Variants in CFAP20DC observed in about 807,000 individuals in gnomAD.
CFAP20DC encodes the protein CFAP20 domain containing.
A neutral mutation model predicts 101.7 loss-of-function variants in CFAP20DC; 84 were observed. That is an observed-to-expected ratio of 0.83 (90% confidence interval 0.69 to 0.99). CFAP20DC has a LOEUF of 0.99. Among genes scored for constraint, CFAP20DC ranks in the 50% least tolerant of loss-of-function variants. The pLI is 0.00. For synonymous variants in CFAP20DC, 359 were observed against 351.2 expected (o/e 1.02, Z -0.25); for missense variants, 1,007 against 970.3 (o/e 1.04, Z -0.50).
chr3:58,723,551 C>G (rs555509341), intron 3 of CFAP20DC, among the ~76,000 whole-genome samples: 2 of 152,202 alleles, frequency 1.3e-5, no homozygotes, highest in African/African-American at 4.8e-5. Flanking sequence ...TCATTGGAAA[C>G]GAAGGTGGGG....
chr3:58,806,145 C>T (rs567637819), intron 15 of CFAP20DC, among the ~76,000 whole-genome samples: 1 of 152,164 alleles, frequency 6.6e-6, no homozygotes, highest in Admixed American at 6.5e-5. Flanking sequence ...AATTCTTATG[C>T]CTGAATTACA....
chr3:58,749,427 G>A (rs1456838728), intron 16 of CFAP20DC, among the ~76,000 whole-genome samples: 1 of 152,130 alleles, frequency 6.6e-6, no homozygotes, highest in Non-Finnish European at 1.5e-5. Context: ...AATACAGGAG[G>A]ATTCCTTCTT....
At chr3:58,909,780 A>C (rs1297579648) in intron 6 of CFAP20DC, among the ~76,000 whole-genome samples, 6 of 152,168 alleles carry the variant, frequency 3.9e-5, no homozygotes, top group Non-Finnish European at 8.8e-5. Context: ...GGTTTGTTAC[A>C]TAGGTAAACA....
intron 6 of CFAP20DC, among the ~76,000 whole-genome samples, chr3:58,888,569 C>T (rs1235511550): frequency 6.6e-6 from 1 of 152,158 alleles, no homozygotes; most frequent in Non-Finnish European, 1.5e-5. Flanking sequence ...CTTTCCCCAA[C>T]CCCTGACAAG....
intron 4 of CFAP20DC, among the ~76,000 whole-genome samples, chr3:58,940,106 TC>T (rs1173694180): frequency 6.6e-6 from 1 of 152,106 alleles, no homozygotes; most frequent in Non-Finnish European, 1.5e-5. Flanking sequence ...AGAGTCAAAC[TC>T]CAAATGGAGG....
intron 15 of CFAP20DC, among the ~76,000 whole-genome samples, chr3:58,768,745 C>T (rs1053238316): frequency 6.6e-6 from 1 of 152,198 alleles, no homozygotes; most frequent in African/African-American, 2.4e-5. Flanking sequence ...CTTACAGTCA[C>T]CACCACACTC....
chr3:58,966,675 C>T (rs2091565775), intron 4 of CFAP20DC, among the ~76,000 whole-genome samples: 1 of 151,642 alleles, frequency 6.6e-6, no homozygotes, highest in South Asian at 2.1e-4. Flanking sequence ...AGGTGCCCAC[C>T]ACCATGCCTG....
chr3:59,021,111 T>A (rs1469991485), intron 4 of CFAP20DC, among the ~76,000 whole-genome samples: 1 of 152,074 alleles, frequency 6.6e-6, no homozygotes, highest in Non-Finnish European at 1.5e-5. Context: ...CTTGGCCTAA[T>A]GTATTATAGA....
chr3:58,868,413 G>A lies in CFAP20DC; in HGVS notation c.1016-477C>T, dbSNP rs1234391422. Reference sequence around the variant, plus strand: ...TAATTTAGCAATAATAATAATCATAGCAGCATTTAACATTTCCTGAATGCT... The same window carrying A: ...TAATTTAGCAATAATAATAATCATAACAGCATTTAACATTTCCTGAATGCT... On this transcript the variant is annotated intron_variant, in intron 9 of 16. Transcript: ENST00000482387. This position sits in a 1 kb window ranked among gnomAD's most constrained non-coding sequence, Gnocchi z 4.6. Among the ~76,000 whole-genome samples the A allele has an allele frequency of 6.6e-6, 1 of 152,132 alleles. No homozygotes were observed. Among genetic ancestry groups the A allele is most frequent in the Non-Finnish European group, 1.5e-5 (1 of 68,000 alleles).
chr3:58,957,389 G>A (rs747900462), intron 4 of CFAP20DC, among the ~76,000 whole-genome samples: 8 of 152,132 alleles, frequency 5.3e-5, no homozygotes, highest in Non-Finnish European at 1.2e-4. Context: ...GGTAACCCTT[G>A]TACACTGTTG....
rs569622613 is a variant in CFAP20DC, at chr3:58,979,197, C to T, written c.279-41435G>A. Among the ~76,000 whole-genome samples the T allele has an allele frequency of 2.6e-5, 4 of 152,304 alleles. No homozygotes were observed. The East Asian group carries it at 5.8e-4, about 22-fold the overall frequency. On this transcript the variant is annotated intron_variant, in intron 4 of 16. Transcript: ENST00000482387. ...GACAGAGTGGAAGCTAAGCTAACAA[C>T]AGGCTTTGCAGTCAGACTGCATAGG...
intron 14 of CFAP20DC, among the ~76,000 whole-genome samples, chr3:58,823,690 T>G (rs1332559505): frequency 6.6e-6 from 1 of 152,130 alleles, no homozygotes; most frequent in African/African-American, 2.4e-5. Context: ...TAGTGTTTAT[T>G]CCAGCTCGAG....
At chr3:58,980,165 C>T (rs57552375) in intron 4 of CFAP20DC, among the ~76,000 whole-genome samples, 2,989 of 152,228 alleles carry the variant, frequency 0.02, 79 homozygotes, top group African/African-American at 0.067. Context: ...TTCCCACTAC[C>T]GAGCTTGATA....
rs1465863842 is a variant in CFAP20DC at position 58,912,774 on chromosome 3, A to G, written c.550+934T>C. 4 of 454,114 alleles carry G rather than the reference A, an allele frequency of 8.8e-6. No homozygotes were observed. Among genetic ancestry groups the G allele is most frequent in the African/African-American group, 2.0e-5 (1 of 50,024 alleles). 28.1% of individuals were successfully genotyped at this position (454,114 alleles called of 1,614,324 possible). A position where few individuals can be genotyped will look rare whatever the true frequency, so the allele number is the denominator to read the frequency against. On this transcript the variant is annotated intron_variant, in intron 6 of 16. Transcript: ENST00000482387. The surrounding 1 kb of genome is among the most constrained non-coding windows in gnomAD (Gnocchi z 4.4). ...AGTATATTTATAAATCAAATTATGA[A>G]CAATTAATGTAAATATTTCTAGTCT...
intron 5 of CFAP20DC, among the ~76,000 whole-genome samples, chr3:58,934,591 T>C (rs529802734): frequency 1.3e-5 from 2 of 152,180 alleles, no homozygotes; most frequent in Non-Finnish European, 2.9e-5. Context: ...AGTGGGCTTC[T>C]TCCCTGGGAT....
At chr3:58,997,265 A>G (rs2093165417) in intron 4 of CFAP20DC, among the ~76,000 whole-genome samples, 1 of 152,228 alleles carries the variant, frequency 6.6e-6, no homozygotes, top group Admixed American at 6.5e-5. Flanking sequence ...AACTTGTGAA[A>G]TAAGTACTAT....
At chr3:58,946,846 A>T (rs898265837) in intron 4 of CFAP20DC, among the ~76,000 whole-genome samples, 4 of 152,252 alleles carry the variant, frequency 2.6e-5, no homozygotes, top group Non-Finnish European at 5.9e-5. Context: ...AGAGGATGGG[A>T]CATGGAAGAG....
In CFAP20DC at chr3:58,995,476, G is replaced by GA. The variant is rs202046306; in HGVS notation, c.278+44080dup. Among the ~76,000 whole-genome samples the GA allele has an allele frequency of 9.9e-3, 1,504 of 151,732 alleles. 28 individuals carry two copies. The highest frequency in any genetic ancestry group is 0.034 in the African/African-American group (1,411 of 41,360). On this transcript the variant is annotated intron_variant, in intron 4 of 16. Transcript: ENST00000482387. ...TAGTCTAAGTAATTAATTTTGAGTA[G>GA]AAAAAAATCTTTTTTAAGAGTTTAT...
At position 58,869,968 on chromosome 3, in the gene CFAP20DC, T is replaced by C. The variant is rs189150652; in HGVS notation, c.852+205A>G. Among the ~76,000 whole-genome samples, 1 of 152,230 alleles carries C rather than the reference T, an allele frequency of 6.6e-6. No homozygotes were observed. Among genetic ancestry groups the C allele is most frequent in the Non-Finnish European group, 1.5e-5 (1 of 68,038 alleles). The stretch of plus-strand genomic sequence containing the variant: ...CTCGAAAATGTTAATTATGTTGATA[T>C]GACAAAAAGGAAACACTTTTGAAGT... On this transcript the variant is annotated intron_variant, in intron 8 of 16. Transcript: ENST00000482387. This position sits in a 1 kb window ranked among gnomAD's most constrained non-coding sequence, Gnocchi z 4.3.
Sources: allele counts gnomAD v4.1 joint callset (sites outside exome capture counted in the v4.1 genomes callset), GRCh38; gene constraint gnomAD v4.1.1; non-coding constraint Gnocchi (gnomAD v3.1); transcripts MANE v1.5; gene names NCBI Gene and HGNC (gene_info 2026-07-23, HGNC 2026-07-21).